Variants in CRTC3 observed in about 807,000 individuals in gnomAD.
The protein encoded by CRTC3 is CREB regulated transcription coactivator 3.
Under a neutral mutation model 74.5 loss-of-function variants are expected in CRTC3, and 26 were observed. That is an observed-to-expected ratio of 0.35 (90% CI 0.26 to 0.48). The LOEUF is 0.48. CRTC3 is among the 20% of genes least tolerant of loss of function. CRTC3 has a pLI of 0.99. For synonymous variants in CRTC3, 377 were observed against 325.8 expected, an observed-to-expected ratio of 1.16 and a Z score of -1.69; for missense variants, 760 against 787.3, an observed-to-expected ratio of 0.97 and a Z score of 0.41.
intron 2 of CRTC3, among the ~76,000 whole-genome samples, chr15:90,555,973 A>G (rs1289667104): frequency 1.3e-4 from 20 of 152,302 alleles, no homozygotes; most frequent in African/African-American, 4.6e-4. Flanking sequence ...TTAAAAAGGA[A>G]CAGAAAAAAT....
rs79202745 is a variant in CRTC3 at position 90,643,523 on chromosome 15, G to A, written c.*1383G>A. The A allele has an allele frequency of 7.4e-3, 1,690 of 228,754 alleles. 43 individuals are homozygous for A. The highest frequency in any genetic ancestry group is 0.064 in the East Asian group (1,019 of 16,014). 14.2% of individuals were successfully genotyped at this position (228,754 alleles called of 1,614,324 possible). Reference sequence around the variant, plus strand: ...GGAAGATCTTCCTTCTCAGATCCACGTTTGGCTCTAAATTGCTTCAAGTAG... The same window carrying A: ...GGAAGATCTTCCTTCTCAGATCCACATTTGGCTCTAAATTGCTTCAAGTAG... On this transcript the variant is annotated 3_prime_UTR_variant, in exon 15 of 15. Coordinates refer to ENST00000268184, the MANE Select transcript of CRTC3 (RefSeq NM_022769.5).
intron 2 of CRTC3, among the ~76,000 whole-genome samples, chr15:90,557,721 C>T (rs1366752909): frequency 6.6e-6 from 1 of 152,160 alleles, no homozygotes; most frequent in African/African-American, 2.4e-5. Flanking sequence ...GCCAGCCTCT[C>T]ACCCATCTCT....
Position 90,643,471 on chromosome 15 carries a change from C to G in CRTC3, c.*1331C>G, listed in dbSNP as rs570241089. ...CGGAAGGGCTGAGCAGGTGAGTGCC[C>G]TGAGCATCCTGGCTGGGCCCCACCC... On this transcript the variant is annotated 3_prime_UTR_variant, in exon 15 of 15. Coordinates refer to ENST00000268184, the MANE Select transcript of CRTC3 (RefSeq NM_022769.5). The G allele has an allele frequency of 4.4e-6, 1 of 229,180 alleles. No individual in the cohort carries two copies. The highest frequency in any genetic ancestry group is 2.2e-5 in the African/African-American group (1 of 45,066). The allele number at this position is 229,180 out of a possible 1,614,324, so 14.2% of individuals were successfully genotyped here.
chr15:90,633,231 TTATC>T lies in CRTC3; in HGVS notation c.1266+3703_1266+3706del, dbSNP rs756409507. On this transcript the variant is annotated intron_variant, in intron 11 of 14. Transcript: ENST00000268184. Reference sequence around the variant, plus strand: ...TGTCTGACTTTTTTTATTAGCCTGGTTATCTATATGTATCTATGTGTATGACTAA... The same window carrying T: ...TGTCTGACTTTTTTTATTAGCCTGGTTATATGTATCTATGTGTATGACTAA... Among the ~76,000 whole-genome samples the T allele has an allele frequency of 2.2e-4, 32 of 146,774 alleles. No individual in the cohort carries two copies. In the East Asian group the frequency reaches 3.7e-3, roughly 17 times the overall value.
chr15:90,612,893 C>T (rs1035646979), intron 6 of CRTC3, among the ~76,000 whole-genome samples: 2 of 151,996 alleles, frequency 1.3e-5, no homozygotes, highest in African/African-American at 4.8e-5. Context: ...AATAGAGTCT[C>T]CTGAGACGAC....
intron 2 of CRTC3, among the ~76,000 whole-genome samples, chr15:90,586,909 TAAAC>T (rs1967677718): frequency 6.6e-6 from 1 of 152,226 alleles, no homozygotes; most frequent in African/African-American, 2.4e-5. Context: ...TAGTTGATAA[TAAAC>T]AACAACTCTC....
At chr15:90,591,373 G>C (rs888620898) in intron 2 of CRTC3, among the ~76,000 whole-genome samples, 1 of 152,046 alleles carries the variant, frequency 6.6e-6, no homozygotes, top group South Asian at 2.1e-4. Flanking sequence ...TCCCACCTCC[G>C]CCTCCCAAAG....
chr15:90,537,321 G>A (rs8040876), intron 1 of CRTC3, among the ~76,000 whole-genome samples: 135,452 of 152,256 alleles, frequency 0.89, 60,433 homozygotes, highest in Middle Eastern at 0.92. Context: ...TGCAGGAGGC[G>A]TCAGAGTTGT....
At chr15:90,585,917 G>GGCTTTCTTT (rs1472428101) in intron 2 of CRTC3, among the ~76,000 whole-genome samples, 1 of 152,026 alleles carries the variant, frequency 6.6e-6, no homozygotes, top group Non-Finnish European at 1.5e-5. Context: ...GTTATTTAGG[G>GGCTTTCTTT]GCTTTCTTTG....
At chr15:90,539,073 TAGAGAC>T (rs373603900) in intron 1 of CRTC3, among the ~76,000 whole-genome samples, 48 of 152,310 alleles carry the variant, frequency 3.2e-4, no homozygotes, top group African/African-American at 1.1e-3. Context: ...TTATTATTGT[TAGAGAC>T]AGAGAGTGAT....
rs770884806 is a variant in CRTC3, at chr15:90,619,764, T to C, written c.723T>C (p.Pro241=). The C allele has an allele frequency of 1.9e-6, 3 of 1,613,980 alleles. No individual in the cohort carries two copies. ...AGATTCAGTCCCTGTCAGGACGCCCTCGATCCTGTGATGTTGGAGGTGGCA... is the reference window on the plus strand; with the variant it reads ...AGATTCAGTCCCTGTCAGGACGCCCCCGATCCTGTGATGTTGGAGGTGGCA... ...TKEIQSLSGR[P]RSCDVGGGNA... is the part of the protein sequence containing the mutation. The change falls in exon 9 of 15, where the codon CCT becomes CCC. Residue 241 remains proline, a synonymous_variant. Coordinates refer to ENST00000268184, the MANE Select transcript of CRTC3 (RefSeq NM_022769.5).
chr15:90,567,406 G>C (rs1435606374), intron 2 of CRTC3, among the ~76,000 whole-genome samples: 1 of 152,042 alleles, frequency 6.6e-6, no homozygotes, highest in African/African-American at 2.4e-5. Flanking sequence ...ATTACTCCTG[G>C]CTGGGCTTGG....
chr15:90,573,812 T>G (rs1441328297), intron 2 of CRTC3, among the ~76,000 whole-genome samples: 1 of 152,224 alleles, frequency 6.6e-6, no homozygotes, highest in Non-Finnish European at 1.5e-5. Context: ...CAGTGAACAG[T>G]ATCCTCTCCA....
At chr15:90,552,919 G>A (rs1244584851) in intron 2 of CRTC3, among the ~76,000 whole-genome samples, 1 of 152,066 alleles carries the variant, frequency 6.6e-6, no homozygotes, top group Non-Finnish European at 1.5e-5. Flanking sequence ...TGTTCCCAAG[G>A]TTATAATGTT....
intron 2 of CRTC3, among the ~76,000 whole-genome samples, chr15:90,564,026 T>C (rs1967069941): frequency 6.6e-6 from 1 of 152,190 alleles, no homozygotes; most frequent in Non-Finnish European, 1.5e-5. Context: ...GCATACATCA[T>C]TTACTCTTTC....
intron 11 of CRTC3, among the ~76,000 whole-genome samples, chr15:90,636,731 A>C (rs889444260): frequency 1.3e-5 from 2 of 152,226 alleles, no homozygotes; most frequent in Admixed American, 6.5e-5. Flanking sequence ...ACCCCATCAA[A>C]AAGTGGGCGA....
intron 2 of CRTC3, among the ~76,000 whole-genome samples, chr15:90,555,058 G>T (rs745988548): frequency 6.6e-6 from 1 of 152,162 alleles, no homozygotes; most frequent in African/African-American, 2.4e-5. Context: ...GCGGGTGGGG[G>T]ATGCACATGT....
chr15:90,545,068 T>C (rs1966842039), intron 2 of CRTC3, among the ~76,000 whole-genome samples: 1 of 152,228 alleles, frequency 6.6e-6, no homozygotes, highest in African/African-American at 2.4e-5. Context: ...TTGACTATTC[T>C]AAGTGCCTCA....
intron 1 of CRTC3, among the ~76,000 whole-genome samples, chr15:90,536,169 A>G (rs1481727380): frequency 6.6e-6 from 1 of 152,112 alleles, no homozygotes; most frequent in African/African-American, 2.4e-5. Flanking sequence ...ACAATAGCAC[A>G]CTGTCTGTAT....
Sources: allele counts gnomAD v4.1 joint callset (sites outside exome capture counted in the v4.1 genomes callset), GRCh38; gene constraint gnomAD v4.1.1; transcripts MANE v1.5; gene names NCBI Gene and HGNC (gene_info 2026-07-23, HGNC 2026-07-21).